Variants in DOCK4 observed in about 807,000 individuals in gnomAD.
DOCK4 encodes the protein dedicator of cytokinesis 4, also known as dedicator of cytokinesis protein 4.
A neutral mutation model predicts 268.1 loss-of-function variants in DOCK4; 97 were observed. The observed-to-expected ratio is 0.36, with a 90% CI of 0.31 to 0.43. The LOEUF is 0.43. DOCK4 is among the 20% of genes least tolerant of loss of function. The pLI is 1.00. For synonymous variants in DOCK4, 954 were observed against 887.2 expected, an observed-to-expected ratio of 1.08 and a Z score of -1.34; for missense variants, 2,145 against 2,455.7, an observed-to-expected ratio of 0.87 and a Z score of 2.67.
chr7:111,993,912 GA>G (rs1168330225), intron 5 of DOCK4, among the ~76,000 whole-genome samples: 3 of 152,122 alleles, frequency 2.0e-5, no homozygotes, highest in Admixed American at 6.5e-5. Flanking sequence ...TTAGATGCCA[GA>G]AAAATAATCT....
At chr7:112,102,807 C>T (rs2135819804) in intron 1 of DOCK4, among the ~76,000 whole-genome samples, 1 of 152,286 alleles carries the variant, frequency 6.6e-6, no homozygotes, top group East Asian at 1.9e-4. Context: ...ACAGCAGGTA[C>T]CTACTTTACT....
chr7:111,756,421 G>A (rs1484824283), intron 41 of DOCK4, among the ~76,000 whole-genome samples: 2 of 152,030 alleles, frequency 1.3e-5, no homozygotes, highest in Non-Finnish European at 2.9e-5. Flanking sequence ...CTACACTACC[G>A]ATAGAGCCAG....
intron 22 of DOCK4, among the ~76,000 whole-genome samples, chr7:111,867,515 G>A (rs1479622755): frequency 6.6e-6 from 1 of 152,172 alleles, no homozygotes; most frequent in African/African-American, 2.4e-5. Context: ...CTCTGCACTG[G>A]TCTTAAAAGA....
intron 41 of DOCK4, among the ~76,000 whole-genome samples, chr7:111,756,710 T>C (rs1797043637): frequency 6.6e-6 from 1 of 151,656 alleles, no homozygotes; most frequent in Non-Finnish European, 1.5e-5. Context: ...AAGAGGATAA[T>C]ACACTTTACA....
intron 5 of DOCK4, among the ~76,000 whole-genome samples, chr7:111,989,746 A>G (rs2043410850): frequency 6.6e-6 from 1 of 152,228 alleles, no homozygotes; most frequent in South Asian, 2.1e-4. Context: ...TTTTAAAACA[A>G]TCATGGAGAT....
chr7:111,944,929 A>AT, intron 9 of DOCK4, 58 bp from the exon 10 acceptor site: 4 of 1,384,686 alleles, frequency 2.9e-6, no homozygotes, highest in Non-Finnish European at 4.1e-6. Context: ...TAAAGGGCAT[A>AT]GCACTTTATT....
At chr7:112,198,629 A>T (rs1820665697) in intron 1 of DOCK4, among the ~76,000 whole-genome samples, 2 of 152,140 alleles carry the variant, frequency 1.3e-5, no homozygotes, top group Admixed American at 1.3e-4. Context: ...TTCCTTCATA[A>T]ATAACAATGT....
chr7:112,088,211 T>G (rs552172057), intron 1 of DOCK4, among the ~76,000 whole-genome samples: 1 of 152,164 alleles, frequency 6.6e-6, no homozygotes, highest in South Asian at 2.1e-4. Context: ...AGTTTTAGAG[T>G]GAAGTTTTAA....
chr7:112,065,151 G>A (rs983080407), intron 1 of DOCK4, among the ~76,000 whole-genome samples: 3 of 152,288 alleles, frequency 2.0e-5, no homozygotes, highest in East Asian at 3.9e-4. Context: ...GGGTTGTTGA[G>A]TAACTAATTA....
chr7:112,039,480 T>C (rs1389368997), intron 1 of DOCK4, among the ~76,000 whole-genome samples: 1 of 152,004 alleles, frequency 6.6e-6, no homozygotes, highest in African/African-American at 2.4e-5. Context: ...TTGTTGTTGC[T>C]GTTGTTGTTG....
rs35579043 is a variant in DOCK4, at chr7:112,205,772, G to GACACAC, written c.37+324_37+329dup. Reference sequence around the variant, plus strand: ...CCCCATTCGCCTCCTCTTCCAACTTGACACACACACACACACACACACACA... The same window carrying GACACAC: ...CCCCATTCGCCTCCTCTTCCAACTTGACACACACACACACACACACACACACACACA... On this transcript the variant is annotated intron_variant, in intron 1 of 52. Coordinates refer to ENST00000428084, the MANE Select transcript of DOCK4 (RefSeq NM_001363540.2). 7.2e-3 allele frequency among the ~76,000 whole-genome samples: 1,075 copies of GACACAC among 148,844 alleles called. 12 individuals carry two copies. The highest frequency in any genetic ancestry group is 0.018 in the South Asian group (85 of 4,674).
intron 25 of DOCK4, chr7:111,840,885 T>C (rs765083138): frequency 6.0e-6 from 8 of 1,324,410 alleles, no homozygotes; most frequent in South Asian, 1.2e-5. Context: ...GAGAAAATGA[T>C]AAAGAAATTC....
intron 1 of DOCK4, among the ~76,000 whole-genome samples, chr7:112,107,240 T>G (rs1811212898): frequency 6.6e-6 from 1 of 152,192 alleles, no homozygotes; most frequent in Non-Finnish European, 1.5e-5. Context: ...ACAAACTTCA[T>G]ATATTGAAGT....
intron 4 of DOCK4, 36 bp from the exon 5 acceptor site, chr7:111,994,267 T>C (rs1799752683): frequency 7.4e-7 from 1 of 1,343,934 alleles, no homozygotes; most frequent in Non-Finnish European, 1.0e-6. Context: ...TATATGTAAA[T>C]ACCATAGACA....
chr7:111,925,658 A>G (rs1347821927), intron 12 of DOCK4, among the ~76,000 whole-genome samples: 2 of 152,192 alleles, frequency 1.3e-5, no homozygotes, highest in African/African-American at 4.8e-5. Flanking sequence ...GGACCAAAGT[A>G]CCCAAATTAC....
chr7:111,781,849 C>T (rs1390121700), intron 35 of DOCK4, among the ~76,000 whole-genome samples: 1 of 152,028 alleles, frequency 6.6e-6, no homozygotes, highest in East Asian at 1.9e-4. Flanking sequence ...TAAGAAAAGA[C>T]AAAATCAAAG....
Position 111,765,266 on chromosome 7 carries a change from C to A in DOCK4, c.3916-44G>T, listed in dbSNP as rs80172643. ...ATTCTAAGCATTTTATCTCATCTTT[C>A]GGTTCTATCAAATTTATAGAATAAG... On this transcript the variant is annotated intron_variant, in intron 38 of 52. Coordinates refer to ENST00000428084, the MANE Select transcript of DOCK4 (RefSeq NM_001363540.2). The A allele has an allele frequency of 1.3e-4, 144 of 1,075,954 alleles. No individual in the cohort carries two copies. The Middle Eastern group carries it at 3.9e-3, about 29-fold the overall frequency. The allele number at this position is 1,075,954 out of a possible 1,614,324, so 66.7% of individuals were successfully genotyped here. A position where few individuals can be genotyped will look rare whatever the true frequency, so the allele number is the denominator to read the frequency against.
chr7:112,122,169 T>C (rs560189794), intron 1 of DOCK4, among the ~76,000 whole-genome samples: 3 of 152,346 alleles, frequency 2.0e-5, no homozygotes, highest in Admixed American at 6.5e-5. Context: ...AGTATTTTTA[T>C]AAAATTGTGG....
In DOCK4 at chr7:111,831,164, C is replaced by A. The variant is rs559958683; in HGVS notation, c.2835+3424G>T. On this transcript the variant is annotated intron_variant, in intron 26 of 52. Transcript: ENST00000428084. Reference sequence around the variant, plus strand: ...CAGGTGACCAAACTCAGGCTGAAACCGAATTTACCTTTGCTCCCAAACCTG... The same window carrying A: ...CAGGTGACCAAACTCAGGCTGAAACAGAATTTACCTTTGCTCCCAAACCTG... Among the ~76,000 whole-genome samples the A allele has an allele frequency of 5.3e-5, 8 of 152,192 alleles. 1 individual carries two copies. The highest frequency in any genetic ancestry group is 1.9e-4 in the African/African-American group (8 of 41,536).
Sources: allele counts gnomAD v4.1 joint callset (sites outside exome capture counted in the v4.1 genomes callset), GRCh38; gene constraint gnomAD v4.1.1; transcripts MANE v1.5; gene names NCBI Gene and HGNC (gene_info 2026-07-23, HGNC 2026-07-21).